Variants in DENND2B observed in about 807,000 individuals in gnomAD.
The protein encoded by DENND2B is DENN domain containing 2B.
A neutral mutation model predicts 116.0 loss-of-function variants in DENND2B; 32 were observed. The ratio of observed to expected loss-of-function variants is 0.28; its 90% confidence interval spans 0.21 to 0.37. The LOEUF is 0.37. Ranked by LOEUF, DENND2B falls within the 10% of genes least tolerant of loss-of-function variation. DENND2B has a pLI of 1.00. For missense variants in DENND2B, 1,276 were observed against 1,477.7 expected (o/e 0.86, Z 2.24); for synonymous variants, 588 against 583.9 (o/e 1.01, Z -0.10).
chr11:8,715,886 G>C, intron 5 of DENND2B, 68 bp from the exon 6 acceptor site: 1 of 1,446,864 alleles, frequency 6.9e-7, no homozygotes, highest in Admixed American at 2.1e-5. Flanking sequence ...CTGTCTGCTG[G>C]GATGGGGACA....
intron 1 of DENND2B, among the ~76,000 whole-genome samples, chr11:8,783,562 A>C (rs2058608147): frequency 6.6e-6 from 1 of 152,266 alleles, no homozygotes; most frequent in African/African-American, 2.4e-5. Flanking sequence ...AGGACAAGAT[A>C]CACCACAAAT....
At chr11:8,714,894 C>T in intron 6 of DENND2B, 188 bp from the exon 7 acceptor site, 1 of 573,236 alleles carries the variant, frequency 1.7e-6, no homozygotes, top group Non-Finnish European at 3.1e-6. Context: ...CATGGTAGCT[C>T]TCCATATACC....
At chr11:8,806,728 C>T (rs1227997131) in intron 1 of DENND2B, among the ~76,000 whole-genome samples, 3 of 151,648 alleles carry the variant, frequency 2.0e-5, no homozygotes, top group Non-Finnish European at 4.4e-5. Flanking sequence ...TCCTCTAAGA[C>T]AGATGCACCC....
chr11:8,866,852 A>G (rs1391473452), intron 2 of DENND2B, among the ~76,000 whole-genome samples: 1 of 152,204 alleles, frequency 6.6e-6, no homozygotes, highest in Non-Finnish European at 1.5e-5. Context: ...TGACCCATGT[A>G]GAGGTCCTGG....
rs1423503004 is a variant in DENND2B, at chr11:8,730,052, G to T, written c.1238C>A (p.Ser413Ter). The T allele has an allele frequency of 6.2e-7, 1 of 1,614,242 alleles. No homozygotes were observed. Among genetic ancestry groups the T allele is most frequent in the Admixed American group, 1.7e-5 (1 of 60,028 alleles). The change falls in exon 3 of 20, where the codon TCA (serine) becomes TAA (stop). Residue 413 changes from serine to a stop codon, truncating the protein, a stop_gained. Transcript: ENST00000313726. LOFTEE classifies it high-confidence loss of function. The surrounding 1 kb of genome is among the most constrained non-coding windows in gnomAD (Gnocchi z 4.1). The stretch of plus-strand genomic sequence containing the variant: ...GGGAGGTGGAGCAGCAGGTGTGGGT[G>T]AAGGAGGTAGACCATTACTGGGCTT... ...KSKPSNGLPP[S>*]PTPAAPPPLP... is the part of the protein sequence containing the mutation.
chr11:8,708,433 G>C, intron 11 of DENND2B: 2 of 694,382 alleles, frequency 2.9e-6, no homozygotes, highest in Non-Finnish European at 3.5e-6. Flanking sequence ...AGATTTGTGA[G>C]AGAGGGATTA....
At chr11:8,742,816 G>A (rs917329745) in intron 2 of DENND2B, among the ~76,000 whole-genome samples, 3 of 152,194 alleles carry the variant, frequency 2.0e-5, no homozygotes, top group South Asian at 2.1e-4. Flanking sequence ...TGTAATCCCA[G>A]CACTTTGGGA....
intron 1 of DENND2B, chr11:8,774,114 G>A: frequency 3.0e-6 from 3 of 985,426 alleles, no homozygotes; most frequent in Non-Finnish European, 3.6e-6. Context: ...TGCATGCAAA[G>A]GACTTACCAC....
chr11:8,696,701 C>G (rs886157616), intron 17 of DENND2B, 35 bp from the exon 18 acceptor site: 6 of 1,606,594 alleles, frequency 3.7e-6, no homozygotes, highest in East Asian at 2.2e-5. Context: ...AGGTTCAGGT[C>G]AAGAGCCTGC....
chr11:8,837,090 G>A (rs1594180354), intron 4 of DENND2B, among the ~76,000 whole-genome samples: 1 of 151,984 alleles, frequency 6.6e-6, no homozygotes, highest in African/African-American at 2.4e-5. Context: ...GATTGTCTTT[G>A]TCCAACTCAT....
At chr11:8,845,281 C>G (rs182988163) in intron 3 of DENND2B, 2 of 152,312 alleles carry the variant, frequency 1.3e-5, no homozygotes, top group Admixed American at 1.3e-4. Flanking sequence ...CCATACTACC[C>G]TGAATGTGCC....
chr11:8,727,471 A>G (rs1489359966), intron 3 of DENND2B, among the ~76,000 whole-genome samples: 1 of 152,092 alleles, frequency 6.6e-6, no homozygotes, highest in East Asian at 1.9e-4. Flanking sequence ...ACTACTTTTC[A>G]GACTCTTGTG....
Position 8,717,894 on chromosome 11 carries a change from T to C in DENND2B, c.1478-2A>G, listed in dbSNP as rs775327777. 4 of 1,607,624 alleles carry C rather than the reference T, an allele frequency of 2.5e-6. No homozygotes were observed. The highest frequency in any genetic ancestry group is 3.4e-6 in the Non-Finnish European group (4 of 1,176,114). ...ATGGATTCTCCTTGGGCAGATCTCC[T>C]GCAGAGGAGGAAGAGTTAGAGAAGG... On this transcript the variant is annotated splice_acceptor_variant, in intron 4 of 19. Coordinates refer to ENST00000313726, the MANE Select transcript of DENND2B (RefSeq NM_213618.2). LOFTEE classifies it high-confidence loss of function.
intron 19 of DENND2B, chr11:8,694,760 A>G (rs571782816): frequency 8.0e-5 from 30 of 372,788 alleles, no homozygotes; most frequent in African/African-American, 6.0e-4. Flanking sequence ...TAAACAATAC[A>G]GTATAATATC....
Position 8,702,515 on chromosome 11 carries a change from C to T in DENND2B, c.2720+57G>A, listed in dbSNP as rs983641007. The T allele has an allele frequency of 2.3e-5, 37 of 1,601,080 alleles. No individual in the cohort carries two copies. In the South Asian group the frequency reaches 2.6e-4, roughly 11 times the overall value. On this transcript the variant is annotated intron_variant, in intron 14 of 19. Transcript: ENST00000313726. This position sits in a 1 kb window ranked among gnomAD's most constrained non-coding sequence, Gnocchi z 4.6. The stretch of plus-strand genomic sequence containing the variant: ...TTAGGCTCCTGAACACTTGCTGATT[C>T]GCTTGTGGGTGTGCCTTCCCCCCTC...
intron 1 of DENND2B, among the ~76,000 whole-genome samples, chr11:8,894,556 A>C (rs1286645826): frequency 1.1e-4 from 16 of 152,142 alleles, no homozygotes; most frequent in Admixed American, 1.0e-3. Context: ...TTACAAGAAA[A>C]AAACAAACAA....
At chr11:8,818,492 G>A (rs2061654983) in intron 4 of DENND2B, among the ~76,000 whole-genome samples, 1 of 152,108 alleles carries the variant, frequency 6.6e-6, no homozygotes, top group African/African-American at 2.4e-5. Flanking sequence ...ACCCCTAAGA[G>A]TAAGATCTGG....
At chr11:8,904,595 A>T (rs954886410) in intron 1 of DENND2B, among the ~76,000 whole-genome samples, 2 of 152,216 alleles carry the variant, frequency 1.3e-5, no homozygotes, top group Admixed American at 6.5e-5. Flanking sequence ...CAAGAAAAAG[A>T]AGTCCTGATT....
chr11:8,853,860 T>C (rs2063098285), intron 3 of DENND2B, among the ~76,000 whole-genome samples: 1 of 151,944 alleles, frequency 6.6e-6, no homozygotes, highest in Admixed American at 6.6e-5. Context: ...TTTAATTTTT[T>C]TTTTTAGAGA....
Sources: allele counts gnomAD v4.1 joint callset (sites outside exome capture counted in the v4.1 genomes callset), GRCh38; gene constraint gnomAD v4.1.1; non-coding constraint Gnocchi (gnomAD v3.1); transcripts MANE v1.5; gene names NCBI Gene and HGNC (gene_info 2026-07-23, HGNC 2026-07-21).